GALNT13: variants seen among roughly 807,000 people sequenced by gnomAD.
GALNT13 encodes the protein UDP-GalNAc:polypeptide N-acetylgalactosaminyltransferase 13.
In GALNT13, 28 loss-of-function variants were observed where a neutral mutation model predicts 64.2. The observed-to-expected ratio is 0.44, with a 90% CI of 0.32 to 0.60. The LOEUF (loss-of-function observed/expected upper bound fraction) is 0.60. GALNT13 is among the 20% of genes least tolerant of loss of function. GALNT13 has a pLI of 0.05. For missense variants in GALNT13, 577 were observed against 669.8 expected, an observed-to-expected ratio of 0.86 and a Z score of 1.53; for synonymous variants, 214 against 224.6, an observed-to-expected ratio of 0.95 and a Z score of 0.42.
the GALNT13 span, among the ~76,000 whole-genome samples, chr2:153,572,419 C>A: frequency 6.7e-6 from 1 of 148,696 alleles, no homozygotes; most frequent in Non-Finnish European, 1.5e-5. Flanking sequence ...TTTTATCGAT[C>A]TTTTGTACTT....
At chr2:153,302,363 G>A in the GALNT13 span, among the ~76,000 whole-genome samples, 1 of 151,926 alleles carries the variant, frequency 6.6e-6, no homozygotes, top group Non-Finnish European at 1.5e-5. Context: ...TTTGAGATAT[G>A]TGTATACAGT....
Position 154,052,649 on chromosome 2 carries a change from A to G in GALNT13, c.143-87688A>G, listed in dbSNP as rs148504262. Among the ~76,000 whole-genome samples, 192 of 152,108 alleles carry G rather than the reference A, an allele frequency of 1.3e-3. 1 individual carries two copies. Among genetic ancestry groups the G allele is most frequent in the East Asian group, 5.8e-3 (30 of 5,174 alleles). ...GGACCCTCAAGTGTACTGGTGTCCA[A>G]TACATGTTGGTGTGCTGTGTTGGTG... is the stretch of plus-strand genomic sequence containing the variant. On this transcript the variant is annotated intron_variant, in intron 3 of 12. Transcript: ENST00000392825.
chr2:153,184,359 A>G, the GALNT13 span, among the ~76,000 whole-genome samples: 2 of 152,218 alleles, frequency 1.3e-5, no homozygotes, highest in Non-Finnish European at 2.9e-5. Flanking sequence ...TATCAACTTA[A>G]GAAGCTTTTG....
At chr2:154,395,255 T>C (rs1363777470) in intron 9 of GALNT13, among the ~76,000 whole-genome samples, 1 of 152,220 alleles carries the variant, frequency 6.6e-6, no homozygotes, top group African/African-American at 2.4e-5. Flanking sequence ...TTTATAAAAA[T>C]TAGTAGCATT....
the GALNT13 span, among the ~76,000 whole-genome samples, chr2:153,457,893 C>T: frequency 2.0e-5 from 3 of 152,220 alleles, no homozygotes; most frequent in Non-Finnish European, 4.4e-5. Context: ...CTCATGATCA[C>T]CTCATGTTCC....
intron 9 of GALNT13, among the ~76,000 whole-genome samples, chr2:154,307,708 GC>G (rs1201172622): frequency 6.6e-6 from 1 of 151,832 alleles, no homozygotes; most frequent in Non-Finnish European, 1.5e-5. Context: ...GATTTTTAAA[GC>G]CCTGTAGGCT....
chr2:154,183,670 C>A (rs1006199895), intron 4 of GALNT13, among the ~76,000 whole-genome samples: 1 of 152,076 alleles, frequency 6.6e-6, no homozygotes, highest in African/African-American at 2.4e-5. Context: ...CATGATCATG[C>A]CACTGCACTC....
the GALNT13 span, among the ~76,000 whole-genome samples, chr2:153,687,037 T>G: frequency 6.6e-6 from 1 of 152,212 alleles, no homozygotes; most frequent in Middle Eastern, 3.4e-3. Flanking sequence ...CTGAATTTGG[T>G]TTGCCAGTAT....
chr2:154,021,631 A>G (rs1040893249), intron 3 of GALNT13, among the ~76,000 whole-genome samples: 13 of 151,760 alleles, frequency 8.6e-5, no homozygotes, highest in African/African-American at 2.4e-4. Context: ...TAGATATACA[A>G]TCATGTCATC....
At chr2:154,073,975 C>T (rs1056220647) in intron 3 of GALNT13, among the ~76,000 whole-genome samples, 1 of 151,606 alleles carries the variant, frequency 6.6e-6, no homozygotes, top group Non-Finnish European at 1.5e-5. Flanking sequence ...TGCCATTTTT[C>T]TTACTGGTTT....
chr2:153,335,515 C>T, the GALNT13 span, among the ~76,000 whole-genome samples: 1 of 152,178 alleles, frequency 6.6e-6, no homozygotes, highest in Non-Finnish European at 1.5e-5. Context: ...AGACTGGCGG[C>T]ATTTTGCCCC....
At chr2:153,582,084 T>C in the GALNT13 span, among the ~76,000 whole-genome samples, 1 of 152,174 alleles carries the variant, frequency 6.6e-6, no homozygotes, top group Non-Finnish European at 1.5e-5. Context: ...GTTATATGTC[T>C]ATTTGGTAAG....
At chr2:153,492,854 T>C in the GALNT13 span, among the ~76,000 whole-genome samples, 1 of 152,202 alleles carries the variant, frequency 6.6e-6, no homozygotes, top group Non-Finnish European at 1.5e-5. Context: ...TGTCTGATCA[T>C]GGCATAGTTA....
At chr2:154,162,088 AT>A (rs1684766112) in intron 4 of GALNT13, among the ~76,000 whole-genome samples, 2 of 152,062 alleles carry the variant, frequency 1.3e-5, no homozygotes, top group Non-Finnish European at 1.5e-5. Context: ...GCACAAGTGT[AT>A]TTTTTTCTTT....
the GALNT13 span, among the ~76,000 whole-genome samples, chr2:153,782,482 C>T: frequency 6.6e-6 from 1 of 151,976 alleles, no homozygotes. Flanking sequence ...AAAAGGATAC[C>T]ATAAAGTACA....
the GALNT13 span, among the ~76,000 whole-genome samples, chr2:153,809,745 C>T: frequency 8.5e-5 from 13 of 152,180 alleles, no homozygotes; most frequent in Admixed American, 2.0e-4. Context: ...TTATGTACTA[C>T]GCCTTTATAT....
the GALNT13 span, chr2:153,356,742 A>AGGACAGAG: frequency 6.6e-6 from 1 of 150,838 alleles, no homozygotes; most frequent in Non-Finnish European, 1.5e-5. Context: ...GTATACATAG[A>AGGACAGAG]GGACAGAGAG....
chr2:154,357,209 T>C (rs1346615409), intron 9 of GALNT13, among the ~76,000 whole-genome samples: 3 of 152,082 alleles, frequency 2.0e-5, no homozygotes, highest in Admixed American at 6.6e-5. Context: ...CTAAGATCTC[T>C]TTTAGCTCTT....
At chr2:153,688,519 T>G in the GALNT13 span, among the ~76,000 whole-genome samples, 2 of 152,038 alleles carry the variant, frequency 1.3e-5, no homozygotes, top group Admixed American at 1.3e-4. Flanking sequence ...AGTGAAATTT[T>G]ACTTAGTGAA....
Sources: allele counts gnomAD v4.1 joint callset (sites outside exome capture counted in the v4.1 genomes callset), GRCh38; gene constraint gnomAD v4.1.1; transcripts MANE v1.5; gene names NCBI Gene and HGNC (gene_info 2026-07-23, HGNC 2026-07-21).